The following TRDN variants were observed in gnomAD, a reference collection of about 807,000 sequenced individuals.
The protein encoded by TRDN is triadin.
A neutral mutation model predicts 149.7 loss-of-function variants in TRDN; 161 were observed. The ratio of observed to expected loss-of-function variants is 1.08; its 90% confidence interval spans 0.95 to 1.23. TRDN has a LOEUF of 1.23. Ranked by LOEUF, TRDN falls within the 50% of genes most tolerant of loss-of-function variation. TRDN has a pLI of 0.00. For missense variants in TRDN, 896 were observed against 823.5 expected, an observed-to-expected ratio of 1.09 and a Z score of -1.08; for synonymous variants, 294 against 250.5, an observed-to-expected ratio of 1.17 and a Z score of -1.64.
chr6:123,490,657 A>C (rs1214869770), intron 9 of TRDN, among the ~76,000 whole-genome samples: 1 of 152,230 alleles, frequency 6.6e-6, no homozygotes. Context: ...AGCATGTCAC[A>C]GTACTCTTTC....
intron 35 of TRDN, among the ~76,000 whole-genome samples, chr6:123,256,880 T>C (rs766867114): frequency 1.3e-5 from 2 of 152,126 alleles, no homozygotes; most frequent in African/African-American, 2.4e-5. Flanking sequence ...GTTTTAGTCA[T>C]GAAGTCTTTG....
chr6:123,289,037 G>GTGTA (rs1554220667), intron 24 of TRDN, among the ~76,000 whole-genome samples: 12 of 144,720 alleles, frequency 8.3e-5, no homozygotes, highest in African/African-American at 2.8e-4. Flanking sequence ...GTGTGTGTGT[G>GTGTA]TATATATATA....
At chr6:123,635,024 T>G (rs1343997388) in intron 1 of TRDN, among the ~76,000 whole-genome samples, 1 of 151,926 alleles carries the variant, frequency 6.6e-6, no homozygotes, top group Non-Finnish European at 1.5e-5. Context: ...ATGCAAGTTC[T>G]ACAAAACATA....
intron 10 of TRDN, among the ~76,000 whole-genome samples, chr6:123,444,800 C>A (rs1351605580): frequency 6.6e-6 from 1 of 152,140 alleles, no homozygotes; most frequent in Admixed American, 6.6e-5. Context: ...GTCTTTGGCT[C>A]TGTTTATATG....
chr6:123,366,643 G>T (rs949592870), intron 19 of TRDN, among the ~76,000 whole-genome samples: 1 of 151,852 alleles, frequency 6.6e-6, no homozygotes, highest in Non-Finnish European at 1.5e-5. Context: ...CCAGCCTCCC[G>T]AGTAGCTGGG....
chr6:123,392,891 C>G (rs1451496914), intron 13 of TRDN, among the ~76,000 whole-genome samples: 1 of 151,920 alleles, frequency 6.6e-6, no homozygotes, highest in Non-Finnish European at 1.5e-5. Flanking sequence ...AAAATTGTAC[C>G]ACCACCTATG....
chr6:123,446,405 A>C (rs1197110242), intron 10 of TRDN, among the ~76,000 whole-genome samples: 1 of 151,878 alleles, frequency 6.6e-6, no homozygotes, highest in Non-Finnish European at 1.5e-5. Flanking sequence ...AAAATAAATA[A>C]ATAAATGAAT....
chr6:123,625,268 A>G (rs1179623587), intron 1 of TRDN, among the ~76,000 whole-genome samples: 4 of 152,184 alleles, frequency 2.6e-5, no homozygotes, highest in African/African-American at 9.6e-5. Context: ...CAATAATATG[A>G]CATTCTTTAC....
rs577643880 is a variant in TRDN at position 123,313,797 on chromosome 6, G to A, written c.1510+2660C>T. Among the ~76,000 whole-genome samples the A allele has an allele frequency of 3.9e-5, 6 of 152,122 alleles. No individual in the cohort carries two copies. In the South Asian group the frequency reaches 6.2e-4, roughly 16 times the overall value. ...TGCTGGGATAACTGGCTAGCCATAT[G>A]CAGAAAATTGAAACTGGACCCCTTC... On this transcript the variant is annotated intron_variant, in intron 24 of 40. Transcript: ENST00000334268.
chr6:123,501,401 AAC>A (rs1778695207), intron 8 of TRDN, among the ~76,000 whole-genome samples: 1 of 56,000 alleles, frequency 1.8e-5, no homozygotes, highest in Non-Finnish European at 3.8e-5. Context: ...AAGCTAACTC[AAC>A]AGTTAGCTTA....
chr6:123,606,699 T>C (rs895362765), intron 1 of TRDN, among the ~76,000 whole-genome samples: 2 of 152,162 alleles, frequency 1.3e-5, no homozygotes, highest in South Asian at 2.1e-4. Flanking sequence ...AAGCCAAATA[T>C]TCTTTGTTAT....
chr6:123,344,375 T>A (rs1487983310), intron 21 of TRDN, among the ~76,000 whole-genome samples: 4 of 152,062 alleles, frequency 2.6e-5, no homozygotes, highest in African/African-American at 9.7e-5. Flanking sequence ...TCTGCCATTG[T>A]AGTTTCATTC....
intron 23 of TRDN, among the ~76,000 whole-genome samples, chr6:123,325,769 A>G (rs1167042224): frequency 6.6e-6 from 1 of 152,078 alleles, no homozygotes; most frequent in African/African-American, 2.4e-5. Context: ...TTACTATGGC[A>G]TATGTTGAAT....
Position 123,228,531 on chromosome 6 carries a change from A to G in TRDN, c.1976-4400T>C, listed in dbSNP as rs189222640. On this transcript the variant is annotated intron_variant, in intron 38 of 40. Transcript: ENST00000334268. Reference sequence around the variant, plus strand: ...ACTGAGCAAAGGGGACAAACCCTTTATAAAACCCTCAGATCTCCTGAGAAC... The same window carrying G: ...ACTGAGCAAAGGGGACAAACCCTTTGTAAAACCCTCAGATCTCCTGAGAAC... Among the ~76,000 whole-genome samples the G allele has an allele frequency of 1.7e-3, 257 of 152,056 alleles. 1 individual carries two copies. Among genetic ancestry groups the G allele is most frequent in the Non-Finnish European group, 5.3e-4 (36 of 67,914 alleles).
chr6:123,352,639 C>T (rs1780511385), intron 20 of TRDN, 53 bp from the exon 21 acceptor site: 1 of 1,559,168 alleles, frequency 6.4e-7, no homozygotes, highest in Admixed American at 2.2e-5. Flanking sequence ...AATACTGCTT[C>T]TGCTCAAAAA....
chr6:123,551,223 T>TATATATATATATA (rs1311778479), intron 2 of TRDN, among the ~76,000 whole-genome samples: 22 of 137,480 alleles, frequency 1.6e-4, no homozygotes, highest in South Asian at 2.2e-4. Flanking sequence ...TATATATATA[T>TATATATATATATA]TGCCTGGTTC....
At chr6:123,330,699 C>T (rs1347088621) in intron 23 of TRDN, among the ~76,000 whole-genome samples, 1 of 151,956 alleles carries the variant, frequency 6.6e-6, no homozygotes, top group Non-Finnish European at 1.5e-5. Flanking sequence ...TCTTACATTT[C>T]ATTAAATAAC....
rs538567915 is a variant in TRDN, at chr6:123,247,811, A to G, written c.1975+4601T>C. Reference sequence around the variant, plus strand: ...GTCAAGACAATCCTAAGCAAAAGGAACAAAGCTTGAGGCATCATGCTACCT... The same window carrying G: ...GTCAAGACAATCCTAAGCAAAAGGAGCAAAGCTTGAGGCATCATGCTACCT... On this transcript the variant is annotated intron_variant, in intron 38 of 40. Coordinates refer to ENST00000334268, the MANE Select transcript of TRDN (RefSeq NM_006073.4). 2.0e-5 allele frequency among the ~76,000 whole-genome samples: 3 copies of G among 152,224 alleles called. No individual in the cohort carries two copies. In the South Asian group the frequency reaches 6.2e-4, roughly 31 times the overall value.
Position 123,360,945 on chromosome 6 carries a change from G to A in TRDN, c.1321+5190C>T, listed in dbSNP as rs144702086. On this transcript the variant is annotated intron_variant, in intron 20 of 40. Coordinates refer to ENST00000334268, the MANE Select transcript of TRDN (RefSeq NM_006073.4). ...CTACCTCTGAGATTAAAAGATAGAT[G>A]GATATGTGCCACATTTTCTTTATCC... 2.4e-3 allele frequency among the ~76,000 whole-genome samples: 358 copies of A among 152,276 alleles called. 2 individuals carry two copies. Among genetic ancestry groups the A allele is most frequent in the African/African-American group, 8.3e-3 (345 of 41,562 alleles).
Sources: gnomAD v4.1 joint callset for allele counts (sites outside exome capture counted in the v4.1 genomes callset) on GRCh38, gnomAD v4.1.1 for gene constraint, MANE v1.5 for transcripts, NCBI Gene and HGNC (gene_info 2026-07-23, HGNC 2026-07-21) for gene names.